Variants in GNB1 observed in about 807,000 individuals in gnomAD.
GNB1 encodes G protein subunit beta 1, also known as guanine nucleotide-binding protein G(I)/G(S)/G(T) subunit beta-1.
Under a neutral mutation model 42.9 loss-of-function variants are expected in GNB1, and 2 were observed. That is an observed-to-expected ratio of 0.05 (90% CI 0.02 to 0.15). The LOEUF (loss-of-function observed/expected upper bound fraction) is 0.15, where lower values mean the gene tolerates loss of function less well. Ranked by LOEUF, GNB1 falls within the 10% of genes least tolerant of loss-of-function variation. GNB1 has a pLI of 1.00. For missense variants in GNB1, 193 were observed against 462.2 expected (o/e 0.42, Z 5.34); for synonymous variants, 183 against 174.7 (o/e 1.05, Z -0.38).
At chr1:1,864,996 C>T (rs1181167508) in intron 1 of GNB1, among the ~76,000 whole-genome samples, 1 of 152,220 alleles carries the variant, frequency 6.6e-6, no homozygotes, top group Admixed American at 6.5e-5. Context: ...GGCGTGGTGG[C>T]TCATGCCTGT....
chr1:1,880,099 T>G (rs879567288), intron 1 of GNB1, among the ~76,000 whole-genome samples: 1 of 151,674 alleles, frequency 6.6e-6, no homozygotes, highest in Non-Finnish European at 1.5e-5. Flanking sequence ...GCCTGGCTAA[T>G]TTTCAAATTT....
rs530658222 is a variant in GNB1, at chr1:1,788,935, C to T, written c.916+118G>A. The T allele has an allele frequency of 3.0e-5, 22 of 731,672 alleles. No individual in the cohort carries two copies. In the Middle Eastern group the frequency reaches 1.1e-3, roughly 38 times the overall value. 45.3% of individuals were successfully genotyped at this position (731,672 alleles called of 1,614,324 possible). A position where few individuals can be genotyped will look rare whatever the true frequency, so the allele number is the denominator to read the frequency against. On this transcript the variant is annotated intron_variant, in intron 10 of 11. Coordinates refer to ENST00000378609, the MANE Select transcript of GNB1 (RefSeq NM_002074.5). ...CAGTTTGCGACTGTCACTCCTGCTACGCCATGCCACAGTCCCACCGATACT... is the reference window on the plus strand; with the variant it reads ...CAGTTTGCGACTGTCACTCCTGCTATGCCATGCCACAGTCCCACCGATACT...
At position 1,875,889 on chromosome 1, in the gene GNB1, T is replaced by C. The variant is rs114022864; in HGVS notation, c.-96+14931A>G. ...TGGAACCTGGGAATGTGACCTTATTTGGAGCGTCTTTCCAGGTATGATTAG... is the reference window on the plus strand; with the variant it reads ...TGGAACCTGGGAATGTGACCTTATTCGGAGCGTCTTTCCAGGTATGATTAG... On this transcript the variant is annotated intron_variant, in intron 1 of 11. Transcript: ENST00000378609. Among the ~76,000 whole-genome samples, 1,240 of 152,194 alleles carry C rather than the reference T, an allele frequency of 8.1e-3. 21 individuals are homozygous for C. Among genetic ancestry groups the C allele is most frequent in the African/African-American group, 0.029 (1,204 of 41,496 alleles).
intron 7 of GNB1, among the ~76,000 whole-genome samples, chr1:1,800,193 C>T (rs565238774): frequency 1.3e-5 from 2 of 152,240 alleles, no homozygotes; most frequent in South Asian, 4.1e-4. Flanking sequence ...AGGAGAGATC[C>T]ACAAGGACCA....
At chr1:1,841,017 G>A (rs572119975) in intron 1 of GNB1, among the ~76,000 whole-genome samples, 2 of 152,162 alleles carry the variant, frequency 1.3e-5, no homozygotes, top group Non-Finnish European at 2.9e-5. Context: ...TCAGCCTCTT[G>A]AGTAGCTGCG....
chr1:1,860,569 G>A (rs1192877317), intron 1 of GNB1, among the ~76,000 whole-genome samples: 1 of 150,214 alleles, frequency 6.7e-6, no homozygotes, highest in Non-Finnish European at 1.5e-5. Context: ...CCTTGGAGGC[G>A]GAGCTTGCAG....
At chr1:1,875,510 T>C (rs537944291) in intron 1 of GNB1, among the ~76,000 whole-genome samples, 3 of 152,138 alleles carry the variant, frequency 2.0e-5, no homozygotes, top group South Asian at 4.2e-4. Flanking sequence ...CTTTACCTTT[T>C]CTATTTTGTT....
intron 1 of GNB1, among the ~76,000 whole-genome samples, chr1:1,864,510 C>T (rs1450916975): frequency 2.0e-5 from 3 of 151,906 alleles, no homozygotes; most frequent in Non-Finnish European, 4.4e-5. Context: ...TCCGGCCGAC[C>T]CATCCTGCCG....
intron 2 of GNB1, among the ~76,000 whole-genome samples, chr1:1,832,722 C>G (rs1647093768): frequency 6.6e-6 from 1 of 152,192 alleles, no homozygotes; most frequent in Non-Finnish European, 1.5e-5. Flanking sequence ...CTCAGGACCC[C>G]ATATTACACA....
At chr1:1,877,629 T>G (rs1311503883) in intron 1 of GNB1, among the ~76,000 whole-genome samples, 3 of 152,114 alleles carry the variant, frequency 2.0e-5, no homozygotes, top group Admixed American at 2.0e-4. Context: ...TGAGCCACCA[T>G]GCCAAGCCCC....
intron 2 of GNB1, among the ~76,000 whole-genome samples, chr1:1,830,145 C>G (rs2101045113): frequency 6.6e-6 from 1 of 152,282 alleles, no homozygotes; most frequent in Admixed American, 6.5e-5. Flanking sequence ...ATATAGTTTG[C>G]TTACTAACCC....
intron 9 of GNB1, among the ~76,000 whole-genome samples, chr1:1,789,723 TG>T: frequency 2.3e-5 from 1 of 43,586 alleles, no homozygotes; most frequent in Admixed American, 2.5e-4. Context: ...GGTGGGGGGA[TG>T]GGGGAGGAAC....
intron 6 of GNB1, among the ~76,000 whole-genome samples, chr1:1,805,885 A>C (rs1432490612): frequency 6.6e-6 from 1 of 152,328 alleles, no homozygotes; most frequent in East Asian, 1.9e-4. Context: ...GGACATTCCT[A>C]CAATCTACCC....
At chr1:1,800,573 T>C (rs1402774050) in intron 7 of GNB1, among the ~76,000 whole-genome samples, 1 of 152,068 alleles carries the variant, frequency 6.6e-6, no homozygotes, top group Admixed American at 6.5e-5. Context: ...TGCGTGTGTA[T>C]TGCAGCACAG....
intron 2 of GNB1, among the ~76,000 whole-genome samples, chr1:1,827,529 TA>T (rs1359077368): frequency 3.3e-5 from 5 of 152,302 alleles, no homozygotes; most frequent in African/African-American, 9.6e-5. Flanking sequence ...AGTTTATTCT[TA>T]AGGGATAAGA....
rs34549355 is a variant in GNB1, at chr1:1,809,189, ATT to A, written c.204-2653_204-2652del. Among the ~76,000 whole-genome samples, 727 of 92,676 alleles carry A rather than the reference ATT, an allele frequency of 7.8e-3. 6 individuals are homozygous for A. Among genetic ancestry groups the A allele is most frequent in the African/African-American group, 0.016 (470 of 29,640 alleles). The allele number at this position is 92,676 out of a possible 152,430, so 60.8% of individuals were successfully genotyped here. On this transcript the variant is annotated intron_variant, in intron 5 of 11. Transcript: ENST00000378609. ...CCCATCCTATTATTTTTCAGATGCA[ATT>A]TTTTTTTTTTTTTTTTTTTTGAGAG... is the stretch of plus-strand genomic sequence containing the variant.
At position 1,788,993 on chromosome 1, in the gene GNB1, T is replaced by G. The variant is rs1192061013; in HGVS notation, c.916+60A>C. 3.3e-6 allele frequency: 4 copies of G among 1,205,632 alleles called. No homozygotes were observed. In the Admixed American group the frequency reaches 5.2e-5, roughly 16 times the overall value. The allele number at this position is 1,205,632 out of a possible 1,614,324, so 74.7% of individuals were successfully genotyped here. A position where few individuals can be genotyped will look rare whatever the true frequency, so the allele number is the denominator to read the frequency against. ...TGCAGCTTATGCAACCACTCTGTGT[T>G]TGCTCTAAAGATACCACGTAAATGT... On this transcript the variant is annotated intron_variant, in intron 10 of 11. Coordinates refer to ENST00000378609, the MANE Select transcript of GNB1 (RefSeq NM_002074.5).
At chr1:1,828,911 A>T (rs928119459) in intron 2 of GNB1, among the ~76,000 whole-genome samples, 1 of 151,794 alleles carries the variant, frequency 6.6e-6, no homozygotes, top group African/African-American at 2.4e-5. Flanking sequence ...ACACACACAC[A>T]CAATTTTTGT....
intron 1 of GNB1, among the ~76,000 whole-genome samples, chr1:1,857,821 A>G (rs1165708539): frequency 6.6e-6 from 1 of 152,162 alleles, no homozygotes. Context: ...ATCCTGTAAC[A>G]AAGTTTTATT....
Sources: gnomAD v4.1 joint callset for allele counts (sites outside exome capture counted in the v4.1 genomes callset) on GRCh38, gnomAD v4.1.1 for gene constraint, MANE v1.5 for transcripts, NCBI Gene and HGNC (gene_info 2026-07-23, HGNC 2026-07-21) for gene names.